Variants in P3H2 observed in about 807,000 individuals in gnomAD.
P3H2 encodes the protein prolyl 3-hydroxylase 2, also known as leprecan-like 1.
In P3H2, 80 loss-of-function variants were observed where a neutral mutation model predicts 87.0. That is an observed-to-expected ratio of 0.92 (90% CI 0.77 to 1.11). The LOEUF (loss-of-function observed/expected upper bound fraction) is 1.11, where lower values mean the gene tolerates loss of function less well. Ranked by LOEUF, P3H2 falls within the 50% of genes least tolerant of loss-of-function variation. The probability of loss-of-function intolerance (pLI) is 0.00; values close to 1 mark genes in which losing one functional copy is unlikely to be tolerated. For missense variants in P3H2, 1,001 were observed against 923.9 expected, an observed-to-expected ratio of 1.08 and a Z score of -1.08; for synonymous variants, 367 against 359.3, an observed-to-expected ratio of 1.02 and a Z score of -0.24.
intron 1 of P3H2, among the ~76,000 whole-genome samples, chr3:190,054,217 C>T (rs1244966201): frequency 6.6e-6 from 1 of 152,184 alleles, no homozygotes; most frequent in Non-Finnish European, 1.5e-5. Context: ...CATCATTAAT[C>T]AGTTTAGGAA....
At chr3:190,021,066 C>A (rs1560365651) in intron 1 of P3H2, among the ~76,000 whole-genome samples, 1 of 134,696 alleles carries the variant, frequency 7.4e-6, no homozygotes, top group Admixed American at 7.6e-5. Context: ...TTGCCTTACA[C>A]CAGGCTAGAG....
At chr3:190,051,769 G>A (rs1725991347) in intron 1 of P3H2, among the ~76,000 whole-genome samples, 1 of 152,304 alleles carries the variant, frequency 6.6e-6, no homozygotes, top group Admixed American at 6.5e-5. Context: ...CTTGCAGCTG[G>A]GTTAGGATCC....
chr3:190,034,751 A>G (rs1725363012), intron 1 of P3H2, among the ~76,000 whole-genome samples: 1 of 152,200 alleles, frequency 6.6e-6, no homozygotes, highest in Non-Finnish European at 1.5e-5. Context: ...CGATCTATAC[A>G]TCAAAAATGG....
chr3:190,012,908 A>C (rs1342158650), intron 1 of P3H2, among the ~76,000 whole-genome samples: 1 of 152,216 alleles, frequency 6.6e-6, no homozygotes, highest in Non-Finnish European at 1.5e-5. Context: ...TTCTCTCTTT[A>C]AACTTGAAAG....
intron 1 of P3H2, among the ~76,000 whole-genome samples, chr3:190,035,519 C>T (rs995784750): frequency 1.3e-5 from 2 of 152,042 alleles, no homozygotes; most frequent in African/African-American, 4.8e-5. Context: ...CTTGTAAACC[C>T]TTGAATAAAT....
rs539224166 is a variant in P3H2, at chr3:190,065,092, C to T, written c.480+55160G>A. On this transcript the variant is annotated intron_variant, in intron 1 of 14. Coordinates refer to ENST00000319332, the MANE Select transcript of P3H2 (RefSeq NM_018192.4). Reference sequence around the variant, plus strand: ...GATGTCCAAGGTCTCCAGGAGAGCACTGTCTCCATTAAAAAACCGAGTCTC... The same window carrying T: ...GATGTCCAAGGTCTCCAGGAGAGCATTGTCTCCATTAAAAAACCGAGTCTC... Among the ~76,000 whole-genome samples, 23 of 152,286 alleles carry T rather than the reference C, an allele frequency of 1.5e-4. No individual in the cohort carries two copies. In the South Asian group the frequency reaches 2.7e-3, roughly 18 times the overall value.
intron 1 of P3H2, among the ~76,000 whole-genome samples, chr3:190,059,288 A>G (rs2108965809): frequency 6.6e-6 from 1 of 152,190 alleles, no homozygotes; most frequent in Non-Finnish European, 1.5e-5. Flanking sequence ...TTAATAGCTG[A>G]TGCAGACAGT....
chr3:189,983,254 C>G, intron 7 of P3H2, 114 bp from the exon 8 acceptor site: 4 of 774,960 alleles, frequency 5.2e-6, no homozygotes, highest in Non-Finnish European at 8.7e-6. Flanking sequence ...TTATTGTAAA[C>G]AAGTTCACCT....
intron 1 of P3H2, among the ~76,000 whole-genome samples, chr3:190,084,518 G>C (rs933933807): frequency 5.3e-5 from 8 of 152,116 alleles, no homozygotes; most frequent in African/African-American, 1.9e-4. Flanking sequence ...GGTAGGTGTG[G>C]ATATTGTAAA....
upstream of P3H2, chr3:190,121,062 G>A (rs1712566766): frequency 2.9e-6 from 1 of 341,672 alleles, no homozygotes; most frequent in Non-Finnish European, 5.3e-6. Context: ...CGCCGCTTGA[G>A]GCCGGCCGGG....
intron 1 of P3H2, among the ~76,000 whole-genome samples, chr3:190,016,731 C>A (rs1359561421): frequency 6.6e-6 from 1 of 152,200 alleles, no homozygotes; most frequent in African/African-American, 2.4e-5. Flanking sequence ...AGTCATCTGG[C>A]CAAACCCCAC....
At chr3:190,119,977 T>G (rs1243743445) in intron 1 of P3H2, among the ~76,000 whole-genome samples, 1 of 152,162 alleles carries the variant, frequency 6.6e-6, no homozygotes, top group Non-Finnish European at 1.5e-5. Context: ...CATGAATTAG[T>G]GCTGAATGGG....
chr3:190,120,113 T>C (rs1712479452), intron 1 of P3H2, 139 bp downstream of exon 1: 4 of 972,654 alleles, frequency 4.1e-6, no homozygotes, highest in Non-Finnish European at 6.2e-6. Context: ...ACCAGATATC[T>C]GGATTCACAA....
intron 1 of P3H2, among the ~76,000 whole-genome samples, chr3:190,042,494 T>C (rs115804435): frequency 0.015 from 2,223 of 152,224 alleles, 25 homozygotes; most frequent in Middle Eastern, 0.034. Context: ...AGGCATATTG[T>C]GGAATATATC....
At chr3:190,114,137 C>A (rs530697091) in intron 1 of P3H2, among the ~76,000 whole-genome samples, 2 of 150,610 alleles carry the variant, frequency 1.3e-5, no homozygotes, top group East Asian at 2.0e-4. Flanking sequence ...AGCTGACTAA[C>A]CATGGGAGAA....
chr3:190,053,429 T>G (rs1726045196), intron 1 of P3H2, among the ~76,000 whole-genome samples: 1 of 61,826 alleles, frequency 1.6e-5, no homozygotes, highest in African/African-American at 9.5e-5. Context: ...TGCCTTTTTA[T>G]TTTTATTTTT....
At chr3:190,085,989 A>G (rs1208087764) in intron 1 of P3H2, among the ~76,000 whole-genome samples, 1 of 152,278 alleles carries the variant, frequency 6.6e-6, no homozygotes, top group Non-Finnish European at 1.5e-5. Flanking sequence ...AAAATTTACT[A>G]AAAGATTTAA....
chr3:190,008,005 GATGA>G (rs1229432796), intron 1 of P3H2, among the ~76,000 whole-genome samples: 1 of 82,674 alleles, frequency 1.2e-5, no homozygotes, highest in Non-Finnish European at 2.7e-5. Context: ...CAGTAACGTT[GATGA>G]ATGACTTTAA....
intron 1 of P3H2, among the ~76,000 whole-genome samples, chr3:190,108,445 T>C (rs963856425): frequency 6.6e-5 from 10 of 152,226 alleles, no homozygotes; most frequent in Admixed American, 1.3e-4. Context: ...TCACCCCAGA[T>C]AGAAAAACAC....
Sources: gnomAD v4.1 joint callset for allele counts (sites outside exome capture counted in the v4.1 genomes callset) on GRCh38, gnomAD v4.1.1 for gene constraint, MANE v1.5 for transcripts, NCBI Gene and HGNC (gene_info 2026-07-23, HGNC 2026-07-21) for gene names.